The following MYO3A variants were observed in gnomAD, a reference collection of about 807,000 sequenced individuals.
MYO3A encodes myosin IIIA.
In MYO3A, 180 loss-of-function variants were observed where a neutral mutation model predicts 192.7. The observed-to-expected ratio is 0.93, with a 90% CI of 0.83 to 1.06. The LOEUF (loss-of-function observed/expected upper bound fraction) is 1.06. Among genes scored for constraint, MYO3A ranks in the 50% least tolerant of loss-of-function variants. The pLI, the probability that MYO3A is intolerant of heterozygous loss-of-function variation, is 0.00. For synonymous variants in MYO3A, 628 were observed against 645.3 expected (o/e 0.97, Z 0.41); for missense variants, 1,896 against 1,905.0 (o/e 1.00, Z 0.09).
chr10:25,956,910 A>G (rs960213436), intron 4 of MYO3A, among the ~76,000 whole-genome samples: 13 of 152,020 alleles, frequency 8.6e-5, no homozygotes, highest in Admixed American at 5.9e-4. Context: ...ACCATCAGGT[A>G]TCTGTTGTCC....
chr10:25,977,956 A>G (rs1439266071), intron 4 of MYO3A, among the ~76,000 whole-genome samples: 1 of 152,068 alleles, frequency 6.6e-6, no homozygotes, highest in African/African-American at 2.4e-5. Context: ...TCTCTTTGCA[A>G]TTTTATATAG....
intron 20 of MYO3A, among the ~76,000 whole-genome samples, chr10:26,140,005 A>G (rs1840060081): frequency 1.3e-5 from 2 of 152,216 alleles, no homozygotes; most frequent in African/African-American, 4.8e-5. Context: ...ACAAAGCAGT[A>G]CCCCAGAGCA....
intron 14 of MYO3A, among the ~76,000 whole-genome samples, chr10:26,083,565 T>G (rs1469409251): frequency 2.0e-5 from 3 of 152,178 alleles, no homozygotes; most frequent in African/African-American, 4.8e-5. Flanking sequence ...TTTTTTGCAT[T>G]GTAACAGATA....
At chr10:26,091,618 G>C (rs1199993005) in intron 15 of MYO3A, among the ~76,000 whole-genome samples, 4 of 152,234 alleles carry the variant, frequency 2.6e-5, no homozygotes, top group Non-Finnish European at 5.9e-5. Flanking sequence ...TGTGGAGAAA[G>C]GGAAATGTAT....
At chr10:26,096,192 T>C (rs2131557205) in intron 15 of MYO3A, among the ~76,000 whole-genome samples, 189 bp from the exon 16 acceptor site, 1 of 152,266 alleles carries the variant, frequency 6.6e-6, no homozygotes, top group African/African-American at 2.4e-5. Context: ...ATTAAGATAA[T>C]TTCTGGAATT....
intron 17 of MYO3A, among the ~76,000 whole-genome samples, chr10:26,105,504 A>G (rs374669054): frequency 2.0e-5 from 3 of 152,212 alleles, no homozygotes; most frequent in South Asian, 4.1e-4. Context: ...ATTTACTCTT[A>G]TGAATTGTAT....
At chr10:26,036,947 C>T (rs763564330) in intron 10 of MYO3A, among the ~76,000 whole-genome samples, 12 of 152,184 alleles carry the variant, frequency 7.9e-5, no homozygotes, top group South Asian at 2.1e-4. Context: ...ACTTCCTTTC[C>T]TCTGTGGTCA....
chr10:25,954,072 T>G (rs1837383072), intron 3 of MYO3A, among the ~76,000 whole-genome samples: 1 of 152,086 alleles, frequency 6.6e-6, no homozygotes, highest in African/African-American at 2.4e-5. Context: ...ATATCTGGAT[T>G]TTACAGTAAC....
rs78144430 is a variant in MYO3A, at chr10:25,948,470, T to C, written c.-17-3624T>C. ...AATGCACATATCAAATTATGTTAAA[T>C]ATATATGTTGAAAATAATTATTTGG... On this transcript the variant is annotated intron_variant, in intron 2 of 34. Coordinates refer to ENST00000642920, the MANE Select transcript of MYO3A (RefSeq NM_017433.5). Among the ~76,000 whole-genome samples the C allele has an allele frequency of 6.5e-3, 988 of 152,160 alleles. 18 individuals carry two copies. Among genetic ancestry groups the C allele is most frequent in the African/African-American group, 0.023 (945 of 41,550 alleles).
At chr10:26,096,922 A>G (rs1387524846) in intron 17 of MYO3A, among the ~76,000 whole-genome samples, 2 of 151,116 alleles carry the variant, frequency 1.3e-5, no homozygotes, top group African/African-American at 4.8e-5. Flanking sequence ...TACATTTCCC[A>G]TATACATATA....
At chr10:26,093,492 G>A (rs1836827216) in intron 15 of MYO3A, among the ~76,000 whole-genome samples, 1 of 152,164 alleles carries the variant, frequency 6.6e-6, no homozygotes, top group Admixed American at 6.5e-5. Flanking sequence ...GATGGGTTCT[G>A]AAGGAAAGGA....
At chr10:26,074,306 A>G (rs1398060546) in intron 14 of MYO3A, among the ~76,000 whole-genome samples, 1 of 151,936 alleles carries the variant, frequency 6.6e-6, no homozygotes, top group African/African-American at 2.4e-5. Context: ...TTTTTTCCTT[A>G]TGCATTTGGA....
intron 17 of MYO3A, among the ~76,000 whole-genome samples, chr10:26,107,682 C>G (rs2131622193): frequency 6.6e-6 from 1 of 151,742 alleles, no homozygotes; most frequent in South Asian, 2.1e-4. Context: ...GCTGAATTTT[C>G]TTATAATACT....
intron 20 of MYO3A, among the ~76,000 whole-genome samples, chr10:26,136,687 C>G (rs753442510): frequency 2.0e-5 from 3 of 152,180 alleles, no homozygotes; most frequent in Admixed American, 6.5e-5. Flanking sequence ...TGTTCATCTA[C>G]TGCTATCTGG....
chr10:26,070,201 T>C lies in MYO3A; in HGVS notation c.1261T>C (p.Tyr421His), dbSNP rs780549725. The change falls in exon 13 of 35, where the codon TAT becomes CAT. Residue 421 changes from tyrosine to histidine, a missense_variant. Physicochemically the swap from Tyr to His is moderately conservative, Grantham distance 83. Coordinates refer to ENST00000642920, the MANE Select transcript of MYO3A (RefSeq NM_017433.5). ...CTTAGGATATCAATCTATGATAACA[T>C]ATAATTCAGATCAGGTAAGAAGAGT... Reference protein sequence around the residue: ...ADLGYQSMITYNSDQCIVISG... With the variant: ...ADLGYQSMITHNSDQCIVISG... 5 of 1,609,416 alleles carry C rather than the reference T, an allele frequency of 3.1e-6. No individual in the cohort carries two copies. The highest frequency in any genetic ancestry group is 1.1e-5 in the South Asian group (1 of 90,974).
chr10:26,189,711 A>C (rs1843034734), intron 31 of MYO3A, among the ~76,000 whole-genome samples: 1 of 152,202 alleles, frequency 6.6e-6, no homozygotes, highest in African/African-American at 2.4e-5. Context: ...AAGAAAGAAA[A>C]AAGAGGCATC....
chr10:26,170,150 G>C (rs1589071962), intron 28 of MYO3A, among the ~76,000 whole-genome samples: 1 of 152,324 alleles, frequency 6.6e-6, no homozygotes, highest in Non-Finnish European at 1.5e-5. Flanking sequence ...AGCACACTTT[G>C]TCATCAACTT....
intron 17 of MYO3A, among the ~76,000 whole-genome samples, chr10:26,108,808 A>G (rs929300069): frequency 3.9e-5 from 6 of 152,182 alleles, no homozygotes; most frequent in Non-Finnish European, 7.4e-5. Context: ...GAATGTTTTC[A>G]AGACCTTACC....
chr10:26,094,657 C>T (rs1564541876), intron 15 of MYO3A, among the ~76,000 whole-genome samples: 2 of 152,138 alleles, frequency 1.3e-5, no homozygotes, highest in Admixed American at 6.5e-5. Context: ...ATCTCCTGAC[C>T]TTGTGATCCG....
Sources: gnomAD v4.1 joint callset for allele counts (sites outside exome capture counted in the v4.1 genomes callset) on GRCh38, gnomAD v4.1.1 for gene constraint, MANE v1.5 for transcripts, NCBI Gene and HGNC (gene_info 2026-07-23, HGNC 2026-07-21) for gene names.